CRBN: variants seen among roughly 807,000 people sequenced by gnomAD.
CRBN encodes the protein protein cereblon.
In CRBN, 53 loss-of-function variants were observed where a neutral mutation model predicts 62.2. The observed-to-expected ratio is 0.85, with a 90% CI of 0.68 to 1.07. The LOEUF (loss-of-function observed/expected upper bound fraction) is 1.07. Among genes scored for constraint, CRBN ranks in the 50% least tolerant of loss-of-function variants. The pLI is 0.00. For missense variants in CRBN, 616 were observed against 531.1 expected (o/e 1.16, Z -1.57); for synonymous variants, 208 against 176.1 (o/e 1.18, Z -1.43).
chr3:3,173,427 T>C (rs1461115837), intron 3 of CRBN, among the ~76,000 whole-genome samples: 2 of 152,186 alleles, frequency 1.3e-5, no homozygotes, highest in Non-Finnish European at 2.9e-5. Context: ...TAGAGAACTT[T>C]AGGAAAATAA....
intron 5 of CRBN, among the ~76,000 whole-genome samples, chr3:3,157,232 G>A (rs1460583460): frequency 6.6e-6 from 1 of 152,144 alleles, no homozygotes; most frequent in Non-Finnish European, 1.5e-5. Flanking sequence ...ATCAAAAATA[G>A]AGTGAAATAC....
intron 5 of CRBN, chr3:3,167,422 AC>A: frequency 1.9e-6 from 1 of 513,048 alleles, no homozygotes; most frequent in South Asian, 2.4e-5. Context: ...TAACAAGGAT[AC>A]CTTACAGCTG....
At chr3:3,154,270 T>C (rs894516238) in intron 7 of CRBN, 195 bp from the exon 8 acceptor site, 2 of 575,342 alleles carry the variant, frequency 3.5e-6, no homozygotes, top group South Asian at 4.1e-5. Context: ...TTGCTTTTCT[T>C]ATACTTTTTT....
chr3:3,164,458 C>T (rs977788296), intron 5 of CRBN, among the ~76,000 whole-genome samples: 1 of 152,196 alleles, frequency 6.6e-6, no homozygotes, highest in Non-Finnish European at 1.5e-5. Flanking sequence ...CAGAGAAAGT[C>T]CCTAAGTCTC....
chr3:3,156,214 C>T lies in CRBN; in HGVS notation c.750+5G>A, dbSNP rs776974769. ...TATAAAGTAAATTTAAGGTAAGTTA[C>T]TTACAGCATCATATAAGGAATACAG... On this transcript the variant is annotated splice_donor_5th_base_variant and intron_variant, in intron 6 of 10. Coordinates refer to ENST00000231948, the MANE Select transcript of CRBN (RefSeq NM_016302.4). 1.2e-6 allele frequency: 2 copies of T among 1,610,542 alleles called. No individual in the cohort carries two copies. The highest frequency in any genetic ancestry group is 2.2e-5 in the East Asian group (1 of 44,802).
chr3:3,161,755 T>C (rs186647085), intron 5 of CRBN, among the ~76,000 whole-genome samples: 1,693 of 152,330 alleles, frequency 0.011, 31 homozygotes, highest in Middle Eastern at 0.027. Context: ...CCTCACTCTT[T>C]AAAAGTTATC....
intron 5 of CRBN, among the ~76,000 whole-genome samples, chr3:3,158,820 G>T (rs1319927216): frequency 1.3e-5 from 2 of 152,154 alleles, no homozygotes; most frequent in Non-Finnish European, 2.9e-5. Flanking sequence ...AACAAATATT[G>T]TGAGTGCCTG....
Position 3,174,189 on chromosome 3 carries a change from C to G in CRBN, c.247G>C (p.Val83Leu). The G allele has an allele frequency of 6.2e-7, 1 of 1,614,152 alleles. No homozygotes were observed. The highest frequency in any genetic ancestry group is 8.5e-7 in the Non-Finnish European group (1 of 1,180,034). The change falls in exon 3 of 11, where the codon GTT becomes CTT. Residue 83 changes from valine to leucine, a missense_variant. Val to Leu is a conservative substitution (Grantham distance 32). Transcript: ENST00000231948. ...HDDDSCQVIP[V>L]LPQVMMILIP... The stretch of plus-strand genomic sequence containing the variant: ...AGGATCATCATCACTTGTGGAAGAA[C>G]TGGAATCACCTGACAGCTGTCGTCA...
At chr3:3,167,378 A>C (rs1210275381) in intron 5 of CRBN, 3 of 355,986 alleles carry the variant, frequency 8.4e-6, no homozygotes, top group East Asian at 1.2e-4. Context: ...TGGAATTAAA[A>C]ATCAAAAGCG....
intron 4 of CRBN, among the ~76,000 whole-genome samples, chr3:3,169,589 T>C (rs1707515914): frequency 6.6e-6 from 1 of 152,180 alleles, no homozygotes; most frequent in Non-Finnish European, 1.5e-5. Context: ...TAATGTACAA[T>C]GAAAGTGCCA....
intron 8 of CRBN, 75 bp downstream of exon 8, chr3:3,153,885 T>G: frequency 1.1e-6 from 1 of 889,908 alleles, no homozygotes; most frequent in Non-Finnish European, 1.9e-6. Flanking sequence ...CAGAGCTCCA[T>G]TGGCCCCAAC....
Position 3,150,657 on chromosome 3 carries a change from C to T in CRBN, c.*208G>A, listed in dbSNP as rs1407999903. The T allele has an allele frequency of 1.6e-5, 8 of 511,920 alleles. No individual in the cohort carries two copies. The highest frequency in any genetic ancestry group is 2.8e-5 in the Non-Finnish European group (8 of 284,726). The allele number at this position is 511,920 out of a possible 1,614,324, so 31.7% of individuals were successfully genotyped here. ...TACCCAAGTAGATGTTTCTGGTATT[C>T]TAGACTGCCGTTCATGCTTGTTTCC... On this transcript the variant is annotated 3_prime_UTR_variant, in exon 11 of 11. Coordinates refer to ENST00000231948, the MANE Select transcript of CRBN (RefSeq NM_016302.4).
rs549084709 is a variant in CRBN, at chr3:3,179,363, G to T, written c.67+258C>A. Among the ~76,000 whole-genome samples the T allele has an allele frequency of 3.3e-5, 5 of 152,298 alleles. No individual in the cohort carries two copies. The South Asian group carries it at 1.0e-3, about 32-fold the overall frequency. On this transcript the variant is annotated intron_variant, in intron 1 of 10. Coordinates refer to ENST00000231948, the MANE Select transcript of CRBN (RefSeq NM_016302.4). The stretch of plus-strand genomic sequence containing the variant: ...ACTCAGAACACAAGGAGGATGGAGA[G>T]GATGGGTTTCCTGTTCTTAATAGCA...
intron 3 of CRBN, 54 bp downstream of exon 3, chr3:3,174,005 C>G (rs1482278703): frequency 6.9e-7 from 1 of 1,452,148 alleles, no homozygotes; most frequent in Non-Finnish European, 9.7e-7. Flanking sequence ...ACACTGACCA[C>G]TGCAATTACC....
At chr3:3,178,490 T>A (rs867424794) in intron 1 of CRBN, among the ~76,000 whole-genome samples, 22 of 152,334 alleles carry the variant, frequency 1.4e-4, no homozygotes, top group African/African-American at 5.1e-4. Flanking sequence ...TCCCAGCAAC[T>A]TAGACCCAAT....
At chr3:3,167,959 A>C (rs930726069) in intron 4 of CRBN, among the ~76,000 whole-genome samples, 166 bp from the exon 5 acceptor site, 1 of 152,132 alleles carries the variant, frequency 6.6e-6, no homozygotes, top group Non-Finnish European at 1.5e-5. Flanking sequence ...TCAGAAAATA[A>C]TTTTATTTCA....
In CRBN at chr3:3,152,533, A is replaced by C. The variant is rs1177099657; in HGVS notation, c.1071T>G (p.His357Gln). ...AAGCCTTATACACAGTAAGTGTCTC[A>C]TGCACATATCCATGAGGATTCACAT... is the stretch of plus-strand genomic sequence containing the variant. ...AAYVNPHGYVHETLTVYKACN... is the reference protein window; with the variant it reads ...AAYVNPHGYVQETLTVYKACN... Residue 357 changes from histidine (H) to glutamine (Q), a missense_variant, in exon 10 of 11, where the codon CAT becomes CAG. Coordinates refer to ENST00000231948, the MANE Select transcript of CRBN (RefSeq NM_016302.4). The C allele has an allele frequency of 1.2e-6, 2 of 1,613,998 alleles. No homozygotes were observed. The highest frequency in any genetic ancestry group is 3.3e-5 in the Admixed American group (2 of 59,972).
intron 2 of CRBN, 141 bp from the exon 3 acceptor site, chr3:3,174,402 A>G: frequency 1.4e-6 from 1 of 707,604 alleles, no homozygotes; most frequent in South Asian, 1.7e-5. Flanking sequence ...GCACTTTGGG[A>G]GGCCGAGGTA....
intron 6 of CRBN, 133 bp downstream of exon 6, chr3:3,156,086 G>C (rs1706879949): frequency 2.5e-6 from 2 of 790,622 alleles, no homozygotes; most frequent in Middle Eastern, 3.7e-4. Context: ...TTACAGGTGT[G>C]AGCCACCACT....
Sources: gnomAD v4.1 joint callset for allele counts (sites outside exome capture counted in the v4.1 genomes callset) on GRCh38, gnomAD v4.1.1 for gene constraint, MANE v1.5 for transcripts, NCBI Gene and HGNC (gene_info 2026-07-23, HGNC 2026-07-21) for gene names.